Variants in CYB5R3 observed in about 807,000 individuals in gnomAD.
CYB5R3 encodes cytochrome b5 reductase 3, also known as NADH-cytochrome b5 reductase 3.
CYB5R3 carries 28 observed loss-of-function variants against 36.5 expected under a neutral mutation model. The observed-to-expected ratio is 0.77, with a 90% CI of 0.57 to 1.05. CYB5R3 has a LOEUF of 1.05. CYB5R3 is among the 50% of genes least tolerant of loss of function. CYB5R3 has a pLI of 0.00. For synonymous variants in CYB5R3, 181 were observed against 159.8 expected (o/e 1.13, Z -1.00); for missense variants, 474 against 408.9 (o/e 1.16, Z -1.37).
chr22:42,621,183 A>AGTGTGTGTGT lies in CYB5R3; in HGVS notation c.734-1248_734-1239dup, dbSNP rs61564405. Among the ~76,000 whole-genome samples, 993 of 147,810 alleles carry AGTGTGTGTGT rather than the reference A, an allele frequency of 6.7e-3. 10 individuals carry two copies. Among genetic ancestry groups the AGTGTGTGTGT allele is most frequent in the African/African-American group, 0.016 (659 of 40,342 alleles). ...TTCAATTTCACAGCGATTTCTTTTT[A>AGTGTGTGTGT]GTGTGTGTGTGTGTGTGTGTGTGTG... On this transcript the variant is annotated intron_variant, in intron 8 of 8. Transcript: ENST00000352397.
intron 8 of CYB5R3, 139 bp downstream of exon 8, chr22:42,623,650 G>A (rs977204284): frequency 2.9e-6 from 2 of 699,888 alleles, no homozygotes; most frequent in Non-Finnish European, 5.1e-6. Context: ...CTGTGAGACG[G>A]GGCCACACCA....
rs1476819851 is a variant in CYB5R3, at chr22:42,631,411, G to A, written c.193C>T (p.Pro65Ser). 6.4e-7 allele frequency: 1 copy of A among 1,551,660 alleles called. No individual in the cohort carries two copies. The highest frequency in any genetic ancestry group is 8.7e-7 in the Non-Finnish European group (1 of 1,146,962). Residue 65 changes from proline (P) to serine (S), a missense_variant, in exon 3 of 9, where the codon CCG becomes TCG. Transcript: ENST00000352397. Reference protein sequence around the residue: ...HDTRRFRFALPSPQHILGLPV... With the variant: ...HDTRRFRFALSSPQHILGLPV... ...AGGCCCAGGATGTGCTGGGGTGACGGCAGGGCAAAGCGGAAGCGCCGGGTG... is the reference window on the plus strand; with the variant it reads ...AGGCCCAGGATGTGCTGGGGTGACGACAGGGCAAAGCGGAAGCGCCGGGTG...
chr22:42,630,970 G>A lies in CYB5R3; in HGVS notation c.245C>T (p.Ser82Leu), dbSNP rs142587038. The change falls in exon 4 of 9, where the codon TCG becomes TTG. Residue 82 changes from serine to leucine, a missense_variant. Coordinates refer to ENST00000352397, the MANE Select transcript of CYB5R3 (RefSeq NM_000398.7). Reference sequence around the variant, plus strand: ...GACCAGGTTTCCATCAATTCGAGCCGAGAGGTAGATGTGCTGGCCTGCAGG... The same window carrying A: ...GACCAGGTTTCCATCAATTCGAGCCAAGAGGTAGATGTGCTGGCCTGCAGG... ...GLPVGQHIYL[S>L]ARIDGNLVVR... The A allele has an allele frequency of 2.2e-4, 359 of 1,613,926 alleles. No individual in the cohort carries two copies. Among genetic ancestry groups the A allele is most frequent in the Non-Finnish European group, 2.8e-4 (329 of 1,179,922 alleles).
chr22:42,618,395 G>A lies in CYB5R3; in HGVS notation c.*1378C>T, dbSNP rs1284182613. On this transcript the variant is annotated 3_prime_UTR_variant, in exon 9 of 9. Coordinates refer to ENST00000352397, the MANE Select transcript of CYB5R3 (RefSeq NM_000398.7). ...TACTAAAAATACAAAAAATTAGCCG[G>A]GCGTAGTGGCGGGCGCCTGTAGTCC... 2 of 150,860 alleles carry A rather than the reference G, an allele frequency of 1.3e-5. No homozygotes were observed. The highest frequency in any genetic ancestry group is 4.9e-5 in the African/African-American group (2 of 40,610). The allele number at this position is 150,860 out of a possible 1,614,324, so 9.3% of individuals were successfully genotyped here. A position where few individuals can be genotyped will look rare whatever the true frequency, so the allele number is the denominator to read the frequency against.
intron 2 of CYB5R3, chr22:42,631,712 G>A: frequency 1.8e-6 from 1 of 562,020 alleles, no homozygotes; most frequent in South Asian, 2.1e-5. Flanking sequence ...GGCCAGAACA[G>A]GGAATGAACC....
At chr22:42,627,051 C>G (rs1370664794) in intron 7 of CYB5R3, among the ~76,000 whole-genome samples, 1 of 152,208 alleles carries the variant, frequency 6.6e-6, no homozygotes, top group Non-Finnish European at 1.5e-5. Flanking sequence ...TTGGAGGAAG[C>G]AGCCAGGGGA....
In CYB5R3 at chr22:42,642,660, G is replaced by T. The variant is rs568608672; in HGVS notation, c.22-5814C>A. ...TCACTGCGTTAGCCAGGATGGTCTC[G>T]ATCTCCTGACCTCGTGATCCGCCCG... On this transcript the variant is annotated intron_variant, in intron 1 of 8. Coordinates refer to ENST00000352397, the MANE Select transcript of CYB5R3 (RefSeq NM_000398.7). 5.9e-4 allele frequency among the ~76,000 whole-genome samples: 90 copies of T among 152,056 alleles called. 1 individual carries two copies. Among genetic ancestry groups the T allele is most frequent in the Non-Finnish European group, 1.2e-3 (80 of 67,984 alleles).
intron 1 of CYB5R3, among the ~76,000 whole-genome samples, chr22:42,638,728 T>TAAAAAAAAAAAAAAAAAAAAAAAAAAC (rs67349863): frequency 2.1e-5 from 1 of 47,488 alleles, no homozygotes; most frequent in Non-Finnish European, 3.6e-5. Context: ...CAAGACTCCA[T>TAAAAAAAAAAAAAAAAAAAAAAAAAAC]AAAAAAAAAA....
chr22:42,622,116 T>G (rs2003823), intron 8 of CYB5R3, among the ~76,000 whole-genome samples: 6,501 of 152,178 alleles, frequency 0.043, 478 homozygotes, highest in African/African-American at 0.15. Context: ...GAGACAGAGT[T>G]TCACCATGTT....
At chr22:42,648,990 C>T (rs1929648842) in intron 1 of CYB5R3, among the ~76,000 whole-genome samples, 1 of 152,240 alleles carries the variant, frequency 6.6e-6, no homozygotes. Context: ...GTCCCTCCAG[C>T]AGCCAAGGCC....
intron 2 of CYB5R3, chr22:42,632,456 G>A: frequency 6.6e-6 from 1 of 152,422 alleles, no homozygotes; most frequent in Non-Finnish European, 1.5e-5. Flanking sequence ...CAGTGTTCCA[G>A]CACAGAGCAG....
At chr22:42,630,300 C>G (rs988313617) in intron 4 of CYB5R3, among the ~76,000 whole-genome samples, 1 of 152,166 alleles carries the variant, frequency 6.6e-6, no homozygotes, top group Non-Finnish European at 1.5e-5. Context: ...ACACGAGCCC[C>G]TCACATGTTT....
chr22:42,649,183 G>C, intron 1 of CYB5R3, 112 bp downstream of exon 1: 1 of 378,886 alleles, frequency 2.6e-6, no homozygotes, highest in Non-Finnish European at 3.8e-6. Context: ...AGTGGGTGCG[G>C]CCGGGTGCGG....
At chr22:42,620,748 G>A (rs1927920427) in intron 8 of CYB5R3, among the ~76,000 whole-genome samples, 1 of 152,198 alleles carries the variant, frequency 6.6e-6, no homozygotes, top group African/African-American at 2.4e-5. Context: ...GAACCAGGAA[G>A]AGTCTACTGT....
rs1927857795 is a variant in CYB5R3, at chr22:42,619,784, A to C, written c.895T>G (p.Phe299Val). 2 of 1,585,698 alleles carry C rather than the reference A, an allele frequency of 1.3e-6. No individual in the cohort carries two copies. The highest frequency in any genetic ancestry group is 2.3e-5 in the South Asian group (2 of 87,460). ...ACCGTGCCCGGCCCTCAGAAGACGA[A>C]GCAGCGCTCCGTGGGGTGGCCCACG... The part of the protein sequence containing the change: ...DHVGHPTERC[F>V]VF Residue 299 changes from phenylalanine (F) to valine (V), a missense_variant, in exon 9 of 9, where the codon TTC becomes GTC. Phe to Val is a conservative substitution (Grantham distance 50). Transcript: ENST00000352397.
In CYB5R3 at chr22:42,628,180, G is replaced by A. The variant is rs751070920; in HGVS notation, c.435C>T (p.Pro145=). The A allele has an allele frequency of 1.2e-6, 2 of 1,614,082 alleles. No homozygotes were observed. The highest frequency in any genetic ancestry group is 3.3e-5 in the Admixed American group (2 of 60,012). The part of the protein sequence containing the change: ...QIGDTIEFRG[P]SGLLVYQGKG... The stretch of plus-strand genomic sequence containing the variant: ...TGCCCTGGTAGACCAGCAGCCCACT[G>A]GGGCCCCGGAACTCAATGGTGTCTC... Residue 145 remains proline (P), a synonymous_variant, in exon 5 of 9, where the codon CCC becomes CCT. Coordinates refer to ENST00000352397, the MANE Select transcript of CYB5R3 (RefSeq NM_000398.7).
rs754243793 is a variant in CYB5R3, at chr22:42,640,191, G to A, written c.22-3345C>T. On this transcript the variant is annotated intron_variant, in intron 1 of 8. Coordinates refer to ENST00000352397, the MANE Select transcript of CYB5R3 (RefSeq NM_000398.7). ...CAACCGTGGTGTAGTACCAAAATGC[G>A]GCCAATCGAGGCTTCAAGTAAGTCA... is the stretch of plus-strand genomic sequence containing the variant. 1.8e-5 allele frequency: 29 copies of A among 1,609,136 alleles called. No individual in the cohort carries two copies. In the East Asian group the frequency reaches 3.6e-4, roughly 20 times the overall value.
At chr22:42,625,917 T>C (rs1016284562) in intron 7 of CYB5R3, among the ~76,000 whole-genome samples, 1 of 152,126 alleles carries the variant, frequency 6.6e-6, no homozygotes, top group African/African-American at 2.4e-5. Context: ...AGATGGGATG[T>C]AGAAACAAAC....
At chr22:42,643,465 A>T (rs962366322) in intron 1 of CYB5R3, among the ~76,000 whole-genome samples, 2 of 70,864 alleles carry the variant, frequency 2.8e-5, no homozygotes, top group Non-Finnish European at 5.4e-5. Context: ...CCCACCCTGC[A>T]ACGGCCCAGC....
Sources: gnomAD v4.1 joint callset for allele counts (sites outside exome capture counted in the v4.1 genomes callset) on GRCh38, gnomAD v4.1.1 for gene constraint, MANE v1.5 for transcripts, NCBI Gene and HGNC (gene_info 2026-07-23, HGNC 2026-07-21) for gene names.